The following ABCA13 variants were observed in gnomAD, a reference collection of about 807,000 sequenced individuals.
The protein encoded by ABCA13 is ATP binding cassette subfamily A member 13, also known as ATP-binding cassette sub-family A member 13.
A neutral mutation model predicts 478.7 loss-of-function variants in ABCA13; 476 were observed. The observed-to-expected ratio is 0.99, with a 90% confidence interval of 0.92 to 1.07. The LOEUF (loss-of-function observed/expected upper bound fraction) is 1.07. ABCA13 is among the 50% of genes least tolerant of loss of function. The probability of loss-of-function intolerance (pLI) is 0.00; values close to 1 mark genes in which losing one functional copy is unlikely to be tolerated. For missense variants in ABCA13, 6,060 were observed against 5,910.6 expected (o/e 1.03, Z -0.83); for synonymous variants, 2,252 against 2,158.9 (o/e 1.04, Z -1.20).
chr7:48,406,543 G>A (rs1818283591), intron 39 of ABCA13, among the ~76,000 whole-genome samples: 1 of 152,180 alleles, frequency 6.6e-6, no homozygotes, highest in African/African-American at 2.4e-5. Flanking sequence ...ATCAGAGAGA[G>A]AAACAGTCAA....
chr7:48,524,519 C>A, intron 54 of ABCA13, 79 bp downstream of exon 54: 1 of 1,336,666 alleles, frequency 7.5e-7, no homozygotes, highest in African/African-American at 1.5e-5. Context: ...GTGTTAGTCT[C>A]AGAATATTTG....
chr7:48,247,775 C>T (rs79194160), intron 13 of ABCA13, among the ~76,000 whole-genome samples: 5,468 of 152,066 alleles, frequency 0.036, 202 homozygotes, highest in Admixed American at 0.1. Flanking sequence ...CCAGGGATCC[C>T]ACACACAAGC....
At chr7:48,471,314 C>T in intron 44 of ABCA13, among the ~76,000 whole-genome samples, 1 of 152,088 alleles carries the variant, frequency 6.6e-6, no homozygotes, top group East Asian at 1.9e-4. Context: ...AAAGTGAGCC[C>T]CATGTAATAT....
intron 54 of ABCA13, among the ~76,000 whole-genome samples, chr7:48,525,367 G>A (rs913306329): frequency 6.6e-5 from 10 of 151,838 alleles, no homozygotes; most frequent in Non-Finnish European, 1.2e-4. Context: ...TAGTTTTGCC[G>A]GTACCTCTCC....
chr7:48,373,433 C>T lies in ABCA13; in HGVS notation c.11134-914C>T, dbSNP rs142181497. ...GTGATTTGTCTTCAACTTCAGTAAA[C>T]GATTCAAAGCTGTCTGGTTTCTACT... On this transcript the variant is annotated intron_variant, in intron 33 of 61. Coordinates refer to ENST00000435803, the MANE Select transcript of ABCA13 (RefSeq NM_152701.5). 3.2e-4 allele frequency among the ~76,000 whole-genome samples: 48 copies of T among 152,278 alleles called. 1 individual carries two copies. Among genetic ancestry groups the T allele is most frequent in the African/African-American group, 9.4e-4 (39 of 41,544 alleles).
At chr7:48,429,665 A>G (rs1474131511) in intron 42 of ABCA13, among the ~76,000 whole-genome samples, 1 of 152,122 alleles carries the variant, frequency 6.6e-6, no homozygotes, top group Non-Finnish European at 1.5e-5. Flanking sequence ...CTAATTATGG[A>G]ATTGTGTGAG....
At chr7:48,187,978 T>A (rs1796590897) in intron 1 of ABCA13, among the ~76,000 whole-genome samples, 3 of 152,208 alleles carry the variant, frequency 2.0e-5, no homozygotes, top group Non-Finnish European at 4.4e-5. Context: ...CCACCTATAC[T>A]TGGGGAGTTC....
At position 48,554,456 on chromosome 7, in the gene ABCA13, A is replaced by G. The variant is rs377380261; in HGVS notation, c.14355-25768A>G. On this transcript the variant is annotated intron_variant, in intron 55 of 61. Transcript: ENST00000435803. ...CAATATTGATTCTTCCAATTCATGAATATGGAATATCTTTCCATTTTTTTA... is the reference window on the plus strand; with the variant it reads ...CAATATTGATTCTTCCAATTCATGAGTATGGAATATCTTTCCATTTTTTTA... Among the ~76,000 whole-genome samples the G allele has an allele frequency of 3.5e-4, 53 of 152,086 alleles. 1 individual carries two copies. In the East Asian group the frequency reaches 8.5e-3, roughly 24 times the overall value.
intron 5 of ABCA13, among the ~76,000 whole-genome samples, chr7:48,222,375 G>T (rs1787497402): frequency 6.6e-6 from 1 of 152,180 alleles, no homozygotes; most frequent in Non-Finnish European, 1.5e-5. Context: ...ATCTCATATG[G>T]TTGTGACAAT....
chr7:48,418,260 A>G (rs886079972), intron 41 of ABCA13, among the ~76,000 whole-genome samples: 3 of 152,210 alleles, frequency 2.0e-5, no homozygotes, highest in Admixed American at 6.5e-5. Context: ...AGAAACTGCC[A>G]AACTGTCATC....
intron 55 of ABCA13, among the ~76,000 whole-genome samples, chr7:48,566,252 G>A (rs1585830628): frequency 6.6e-6 from 1 of 152,100 alleles, no homozygotes; most frequent in East Asian, 1.9e-4. Context: ...ATTAAATAAA[G>A]GGGGAGAAAC....
At position 48,352,605 on chromosome 7, in the gene ABCA13, C is replaced by T. The variant is rs902328946; in HGVS notation, c.10688+118C>T. On this transcript the variant is annotated intron_variant, in intron 31 of 61. Coordinates refer to ENST00000435803, the MANE Select transcript of ABCA13 (RefSeq NM_152701.5). ...CAAAAAGCACTGTTAAAAAAGTTCACCCCCCACTTTTTAATTTCGTAAGGT... is the reference window on the plus strand; with the variant it reads ...CAAAAAGCACTGTTAAAAAAGTTCATCCCCCACTTTTTAATTTCGTAAGGT... The T allele has an allele frequency of 8.3e-6, 10 of 1,198,822 alleles. No homozygotes were observed. In the African/African-American group the frequency reaches 1.2e-4, roughly 15 times the overall value. The allele number at this position is 1,198,822 out of a possible 1,614,324, so 74.3% of individuals were successfully genotyped here. A position where few individuals can be genotyped will look rare whatever the true frequency, so the allele number is the denominator to read the frequency against.
At chr7:48,397,841 C>G (rs185848782) in intron 38 of ABCA13, among the ~76,000 whole-genome samples, 17 of 152,072 alleles carry the variant, frequency 1.1e-4, no homozygotes, top group African/African-American at 4.1e-4. Flanking sequence ...CTTGAGGGAC[C>G]GAAGTCCATT....
intron 3 of ABCA13, among the ~76,000 whole-genome samples, chr7:48,214,667 A>G (rs1387448759): frequency 6.6e-6 from 1 of 152,062 alleles, no homozygotes; most frequent in Admixed American, 6.6e-5. Flanking sequence ...CTTTCCTGAA[A>G]CCTCATGAAC....
chr7:48,545,864 A>T (rs1563418835), intron 55 of ABCA13, among the ~76,000 whole-genome samples: 1 of 151,872 alleles, frequency 6.6e-6, no homozygotes, highest in Non-Finnish European at 1.5e-5. Flanking sequence ...AATTATGTGA[A>T]ATATGGAGGA....
intron 2 of ABCA13, among the ~76,000 whole-genome samples, chr7:48,197,625 C>T (rs758735512): frequency 1.3e-5 from 2 of 150,720 alleles, no homozygotes; most frequent in African/African-American, 4.8e-5. Context: ...TCAGCATCCT[C>T]ACCACTCCCA....
chr7:48,394,329 G>T (rs886451639), intron 38 of ABCA13, among the ~76,000 whole-genome samples: 4 of 152,066 alleles, frequency 2.6e-5, no homozygotes, highest in African/African-American at 9.7e-5. Flanking sequence ...TGCCTGCTGC[G>T]CTGGTCTTAT....
chr7:48,520,277 C>G lies in ABCA13; in HGVS notation c.14034C>G (p.Asp4678Glu). The change falls in exon 53 of 62, where the codon GAC becomes GAG. Residue 4678 changes from aspartate (D) to glutamate (E), a missense_variant. Physicochemically the swap from Asp to Glu is conservative, Grantham distance 45. Coordinates refer to ENST00000435803, the MANE Select transcript of ABCA13 (RefSeq NM_152701.5). ...TCTTGAGGGTTCTGCTACACTGGGA[C>G]CTTCTGCGATGGCCAAGGTGGGTTC... The part of the protein sequence containing the change: ...LLLLRVLLHW[D>E]LLRWPRGHST... The G allele has an allele frequency of 6.2e-7, 1 of 1,611,668 alleles. No individual in the cohort carries two copies. Among genetic ancestry groups the G allele is most frequent in the Non-Finnish European group, 8.5e-7 (1 of 1,178,386 alleles).
At position 48,541,822 on chromosome 7, in the gene ABCA13, C is replaced by G. The variant is rs576831297; in HGVS notation, c.14354+13477C>G. On this transcript the variant is annotated intron_variant, in intron 55 of 61. Coordinates refer to ENST00000435803, the MANE Select transcript of ABCA13 (RefSeq NM_152701.5). ...AAAGGAAAGTTGACAGATAACAGAG[C>G]AGGCACATATTTTTATAATAAATAT... is the stretch of plus-strand genomic sequence containing the variant. Among the ~76,000 whole-genome samples, 17 of 150,106 alleles carry G rather than the reference C, an allele frequency of 1.1e-4. 1 individual carries two copies. The highest frequency in any genetic ancestry group is 3.9e-4 in the African/African-American group (16 of 41,210).
Sources: allele counts gnomAD v4.1 joint callset (sites outside exome capture counted in the v4.1 genomes callset), GRCh38; gene constraint gnomAD v4.1.1; transcripts MANE v1.5; gene names NCBI Gene and HGNC (gene_info 2026-07-23, HGNC 2026-07-21).